The following IL1R1 variants were observed in gnomAD, a reference collection of about 807,000 sequenced individuals.
The protein encoded by IL1R1 is interleukin-1 receptor type 1.
Under a neutral mutation model 50.2 loss-of-function variants are expected in IL1R1, and 22 were observed. The observed-to-expected ratio is 0.44, with a 90% CI of 0.31 to 0.63. IL1R1 has a LOEUF of 0.63. Among genes scored for constraint, IL1R1 ranks in the 20% least tolerant of loss-of-function variants. IL1R1 has a pLI of 0.07. For synonymous variants in IL1R1, 251 were observed against 236.7 expected, an observed-to-expected ratio of 1.06 and a Z score of -0.55; for missense variants, 509 against 676.2, an observed-to-expected ratio of 0.75 and a Z score of 2.74.
In IL1R1 at chr2:102,166,242, C is replaced by A. The variant is rs770766507; in HGVS notation, c.616C>A (p.Gln206Lys). ...TGCATCCTACACATACTTGGGCAAG[C>A]AATATCCTATTACCCGGGTAATAGA... ...CHASYTYLGK[Q>K]YPITRVIEFI... is the part of the protein sequence containing the mutation. The change falls in exon 6 of 12, where the codon CAA becomes AAA. Residue 206 changes from glutamine to lysine, a missense_variant. By Grantham distance (53) the Gln-to-Lys change is moderately conservative (BLOSUM62 1). Coordinates refer to ENST00000410023, the MANE Select transcript of IL1R1 (RefSeq NM_000877.4). 3.1e-6 allele frequency: 5 copies of A among 1,613,544 alleles called. No homozygotes were observed. Among genetic ancestry groups the A allele is most frequent in the Non-Finnish European group, 2.5e-6 (3 of 1,179,668 alleles).
rs767421015 is a variant in IL1R1, at chr2:102,171,880, T to C, written c.801T>C (p.Ile267=). ...IAYWKWNGSV[I]DEDDPVLGED... ...ACTGGAAGTGGAATGGGTCAGTAAT[T>C]GATGAAGATGACCCAGTGCTAGGGG... The change falls in exon 8 of 12, where the codon ATT becomes ATC. Residue 267 remains isoleucine (I), a synonymous_variant. Transcript: ENST00000410023. The C allele has an allele frequency of 1.2e-6, 2 of 1,607,468 alleles. No homozygotes were observed. Among genetic ancestry groups the C allele is most frequent in the South Asian group, 1.1e-5 (1 of 90,756 alleles).
At position 102,165,131 on chromosome 2, in the gene IL1R1, C is replaced by T; in HGVS notation, c.313C>T (p.Leu105Phe). The T allele has an allele frequency of 6.4e-7, 1 of 1,572,330 alleles. No homozygotes were observed. Among genetic ancestry groups the T allele is most frequent in the Non-Finnish European group, 8.6e-7 (1 of 1,163,462 alleles). ...YCVVRNSSYC[L>F]RIKISAKFVE... ...TTATTTTAGAAATTCATCTTACTGC[C>T]TCAGAATTAAAATAAGTGCAAAATT... The change falls in exon 5 of 12, where the codon CTC becomes TTC. Residue 105 changes from leucine to phenylalanine, a missense_variant. Physicochemically the swap from Leu to Phe is conservative, Grantham distance 22. Transcript: ENST00000410023.
intron 1 of IL1R1, among the ~76,000 whole-genome samples, chr2:102,133,439 A>AAAACC (rs1332433169): frequency 6.6e-6 from 1 of 152,170 alleles, no homozygotes; most frequent in Non-Finnish European, 1.5e-5. Context: ...CCCAGATATC[A>AAAACC]AAACCAAACA....
rs188069369 is a variant in IL1R1 at position 102,116,739 on chromosome 2, C to T, written c.-84+11867C>T. On this transcript the variant is annotated intron_variant, in intron 1 of 10. Transcript: ENST00000409329. ...AACAGCAGCAGGAAGGTCATCCACC[C>T]GTGCTGAAAACCTCCTTCCTCTTGG... 6.2e-3 allele frequency among the ~76,000 whole-genome samples: 939 copies of T among 152,282 alleles called. 14 individuals are homozygous for T. Among genetic ancestry groups the T allele is most frequent in the African/African-American group, 0.021 (853 of 41,540 alleles).
chr2:102,127,674 T>C lies in IL1R1; in HGVS notation c.-84+22802T>C, dbSNP rs141597190. 5.1e-3 allele frequency among the ~76,000 whole-genome samples: 767 copies of C among 150,800 alleles called. 8 individuals carry two copies. Among genetic ancestry groups the C allele is most frequent in the African/African-American group, 0.018 (723 of 41,216 alleles). On this transcript the variant is annotated intron_variant, in intron 1 of 10. Transcript: ENST00000409329. ...GTGTGTGACTGTGTGTGTGTGTGTG[T>C]GTGTGTGTGTGTGTGTGTGTGTATC...
chr2:102,144,573 A>G (rs1441274958), intron 1 of IL1R1, among the ~76,000 whole-genome samples: 4 of 152,152 alleles, frequency 2.6e-5, no homozygotes, highest in Admixed American at 6.5e-5. Context: ...TTTATTGACT[A>G]TCTACTATGT....
intron 1 of IL1R1, among the ~76,000 whole-genome samples, chr2:102,075,757 G>A (rs569388981): frequency 6.6e-6 from 1 of 152,328 alleles, no homozygotes; most frequent in South Asian, 2.1e-4. Flanking sequence ...TGGCAGATAA[G>A]AACGAAAATA....
chr2:102,166,313 G>T, intron 6 of IL1R1, 32 bp downstream of exon 6: 2 of 1,546,160 alleles, frequency 1.3e-6, no homozygotes, highest in Non-Finnish European at 1.8e-6. Context: ...AAAAGGTTTA[G>T]ATCTGGGAAG....
At chr2:102,118,472 C>T (rs549429749) in intron 1 of IL1R1, among the ~76,000 whole-genome samples, 173 of 152,204 alleles carry the variant, frequency 1.1e-3, no homozygotes, top group African/African-American at 3.9e-3. Flanking sequence ...AGGATGGGGT[C>T]GTAGGAACCC....
intron 1 of IL1R1, among the ~76,000 whole-genome samples, chr2:102,126,192 G>A (rs1052646225): frequency 2.6e-5 from 4 of 152,208 alleles, no homozygotes; most frequent in Non-Finnish European, 4.4e-5. Flanking sequence ...AGATATAAAA[G>A]GTAGTCCATA....
chr2:102,158,039 A>G (rs1194757161), intron 3 of IL1R1, among the ~76,000 whole-genome samples: 1 of 152,230 alleles, frequency 6.6e-6, no homozygotes, highest in Non-Finnish European at 1.5e-5. Flanking sequence ...TTTTGGAACA[A>G]AAGCTAAAAT....
intron 11 of IL1R1, 109 bp from the exon 12 acceptor site, chr2:102,176,244 A>G (rs1686121992): frequency 1.2e-6 from 1 of 826,062 alleles, no homozygotes. Context: ...AAGACAAGAA[A>G]AAGGCATTAG....
intron 3 of IL1R1, among the ~76,000 whole-genome samples, chr2:102,163,175 A>C (rs1469646507): frequency 6.6e-6 from 1 of 152,060 alleles, no homozygotes; most frequent in African/African-American, 2.4e-5. Flanking sequence ...AGAAGATTTT[A>C]TCTTTGTCAC....
intron 1 of IL1R1, among the ~76,000 whole-genome samples, chr2:102,147,445 CAATAGT>C (rs1371209926): frequency 6.6e-6 from 1 of 152,070 alleles, no homozygotes; most frequent in Non-Finnish European, 1.5e-5. Context: ...AAGTCCAGTG[CAATAGT>C]GGCCTTGGCA....
In IL1R1 at chr2:102,072,238, T is replaced by G. The variant is rs113921359; in HGVS notation, c.-84+1705T>G. On this transcript the variant is annotated intron_variant, in intron 1 of 11. Transcript: ENST00000409929. ...TTGTGCCATTGCACTCCAGCCTGGG[T>G]GACAGAGCAAGACTCTGTGTCACCA... is the stretch of plus-strand genomic sequence containing the variant. 1.4e-3 allele frequency among the ~76,000 whole-genome samples: 209 copies of G among 148,478 alleles called. 3 individuals are homozygous for G. Among genetic ancestry groups the G allele is most frequent in the African/African-American group, 5.0e-3 (199 of 40,136 alleles).
chr2:102,072,460 C>T (rs1489895169), intron 1 of IL1R1, among the ~76,000 whole-genome samples: 2 of 152,158 alleles, frequency 1.3e-5, no homozygotes, highest in Non-Finnish European at 2.9e-5. Context: ...TCTTATACCT[C>T]ACTTACTGGA....
intron 1 of IL1R1, among the ~76,000 whole-genome samples, chr2:102,153,177 C>G (rs574741581): frequency 6.6e-6 from 1 of 152,142 alleles, no homozygotes; most frequent in African/African-American, 2.4e-5. Context: ...ATACCTGCTT[C>G]TTAAACAGGG....
At chr2:102,076,995 T>C (rs967916360) in intron 1 of IL1R1, among the ~76,000 whole-genome samples, 6 of 152,222 alleles carry the variant, frequency 3.9e-5, no homozygotes, top group Admixed American at 3.9e-4. Flanking sequence ...TCAATCTTCT[T>C]TTCTCACCGC....
intron 1 of IL1R1, among the ~76,000 whole-genome samples, chr2:102,085,744 C>G (rs1679404556): frequency 6.6e-6 from 1 of 151,968 alleles, no homozygotes; most frequent in African/African-American, 2.4e-5. Context: ...CCACAAAATA[C>G]CAACAGCGAT....
Sources: allele counts gnomAD v4.1 joint callset (sites outside exome capture counted in the v4.1 genomes callset), GRCh38; gene constraint gnomAD v4.1.1; transcripts MANE v1.5; gene names NCBI Gene and HGNC (gene_info 2026-07-23, HGNC 2026-07-21).